Variants in GRIK1 observed in about 807,000 individuals in gnomAD.
GRIK1 encodes the protein glutamate receptor ionotropic, kainate 1.
A neutral mutation model predicts 105.7 loss-of-function variants in GRIK1; 69 were observed. The ratio of observed to expected loss-of-function variants is 0.65; its 90% CI spans 0.54 to 0.80. The LOEUF (loss-of-function observed/expected upper bound fraction) is 0.80, where lower values mean the gene tolerates loss of function less well. GRIK1 is among the 30% of genes least tolerant of loss of function. The probability of loss-of-function intolerance (pLI) is 0.00; values close to 1 mark genes in which losing one functional copy is unlikely to be tolerated. For missense variants in GRIK1, 1,109 were observed against 1,167.3 expected (o/e 0.95, Z 0.73); for synonymous variants, 438 against 431.3 (o/e 1.02, Z -0.19).
chr21:29,687,284 T>C (rs1382305116), intron 3 of GRIK1, among the ~76,000 whole-genome samples: 1 of 152,138 alleles, frequency 6.6e-6, no homozygotes, highest in African/African-American at 2.4e-5. Context: ...TTAATTCTGG[T>C]GTAGGGGCGG....
chr21:29,707,886 C>G lies in GRIK1; in HGVS notation c.119-13823G>C, dbSNP rs113405070. On this transcript the variant is annotated intron_variant, in intron 1 of 17. Coordinates refer to ENST00000327783, the MANE Select transcript of GRIK1 (RefSeq NM_001330994.2). The stretch of plus-strand genomic sequence containing the variant: ...AATATTTCATTGTCTGGATATGTCA[C>G]AGTTTTCTTAATCCACCCCACTTTT... Among the ~76,000 whole-genome samples the G allele has an allele frequency of 7.3e-3, 1,106 of 152,292 alleles. 16 individuals carry two copies. The highest frequency in any genetic ancestry group is 0.026 in the African/African-American group (1,061 of 41,562).
At chr21:29,670,561 G>T (rs1057128623) in intron 4 of GRIK1, among the ~76,000 whole-genome samples, 1 of 152,188 alleles carries the variant, frequency 6.6e-6, no homozygotes, top group African/African-American at 2.4e-5. Flanking sequence ...GCCTATTCCA[G>T]ACCTGCCTTT....
chr21:29,543,732 T>C (rs2090007462), intron 16 of GRIK1, among the ~76,000 whole-genome samples: 1 of 152,142 alleles, frequency 6.6e-6, no homozygotes, highest in Non-Finnish European at 1.5e-5. Context: ...GTAAAGAATG[T>C]TGGGGTGAAG....
chr21:29,825,671 A>G (rs2067433480), intron 1 of GRIK1, among the ~76,000 whole-genome samples: 1 of 152,142 alleles, frequency 6.6e-6, no homozygotes, highest in Non-Finnish European at 1.5e-5. Flanking sequence ...AAAGAAAAAT[A>G]TGAAAGCTGT....
At chr21:29,734,176 C>T (rs2064709661) in intron 1 of GRIK1, among the ~76,000 whole-genome samples, 1 of 151,892 alleles carries the variant, frequency 6.6e-6, no homozygotes, top group African/African-American at 2.4e-5. Context: ...TAAAAATGCC[C>T]CACTTCCAAG....
intron 16 of GRIK1, among the ~76,000 whole-genome samples, chr21:29,541,575 C>CTTTTTTTTATTTTT: frequency 1.0e-5 from 1 of 96,006 alleles, no homozygotes; most frequent in Non-Finnish European, 2.0e-5. Flanking sequence ...CACTCACGGT[C>CTTTTTTTTATTTTT]TTTTTTTTTT....
intron 9 of GRIK1, among the ~76,000 whole-genome samples, chr21:29,592,564 A>G (rs983723470): frequency 4.6e-5 from 7 of 152,324 alleles, no homozygotes; most frequent in Admixed American, 1.3e-4. Flanking sequence ...GCTTGCAAGT[A>G]TGTTTTAGAG....
intron 1 of GRIK1, among the ~76,000 whole-genome samples, chr21:29,724,523 G>A (rs1406061741): frequency 3.9e-5 from 6 of 152,170 alleles, no homozygotes; most frequent in Non-Finnish European, 7.3e-5. Flanking sequence ...AAATATGCAA[G>A]AACTGGGAGT....
intron 1 of GRIK1, among the ~76,000 whole-genome samples, chr21:29,897,040 A>C (rs1308067121): frequency 6.6e-6 from 1 of 152,200 alleles, no homozygotes; most frequent in Non-Finnish European, 1.5e-5. Flanking sequence ...AATGAATGAG[A>C]AGCGGATTTA....
chr21:29,734,345 ACTTTTCTTTTCTTTTCTTTTCTTTT>A (rs541782706), intron 1 of GRIK1, among the ~76,000 whole-genome samples: 2,449 of 135,224 alleles, frequency 0.018, 92 homozygotes, highest in East Asian at 0.046. Flanking sequence ...GGATCATAGC[ACTTTTCTTTTCTTTTCTTTTCTTTT>A]CTTTTCTTTT....
At chr21:29,757,059 G>A (rs1215285120) in intron 1 of GRIK1, among the ~76,000 whole-genome samples, 1 of 152,110 alleles carries the variant, frequency 6.6e-6, no homozygotes, top group African/African-American at 2.4e-5. Flanking sequence ...AGAGGTTGCA[G>A]TGAGCCAAGA....
chr21:29,787,544 CATT>C (rs1427095264), intron 1 of GRIK1, among the ~76,000 whole-genome samples: 1 of 152,158 alleles, frequency 6.6e-6, no homozygotes, highest in Non-Finnish European at 1.5e-5. Flanking sequence ...ACAGCACAAT[CATT>C]ATTAGAAATG....
intron 16 of GRIK1, among the ~76,000 whole-genome samples, chr21:29,554,056 CT>C (rs1163720558): frequency 3.3e-5 from 5 of 152,092 alleles, no homozygotes; most frequent in Non-Finnish European, 7.4e-5. Flanking sequence ...GTTTTGGGCC[CT>C]TAAGGAGGGC....
intron 12 of GRIK1, among the ~76,000 whole-genome samples, chr21:29,586,582 G>A (rs2091135040): frequency 6.6e-6 from 1 of 152,288 alleles, no homozygotes; most frequent in Admixed American, 6.5e-5. Flanking sequence ...TTTTTACATG[G>A]TTTATCTAGG....
At chr21:29,783,277 G>A (rs917564249) in intron 1 of GRIK1, among the ~76,000 whole-genome samples, 1 of 151,084 alleles carries the variant, frequency 6.6e-6, no homozygotes, top group Non-Finnish European at 1.5e-5. Context: ...CCTCCATCAG[G>A]GCAAAAATAG....
At chr21:29,757,435 A>G (rs1000659199) in intron 1 of GRIK1, among the ~76,000 whole-genome samples, 2 of 152,244 alleles carry the variant, frequency 1.3e-5, no homozygotes, top group African/African-American at 4.8e-5. Context: ...TAAGTAAACT[A>G]CACTACTTCT....
At position 29,621,406 on chromosome 21, in the gene GRIK1, GT is replaced by G. The variant is rs1391412413; in HGVS notation, c.1098+21419del. On this transcript the variant is annotated intron_variant, in intron 7 of 17. Transcript: ENST00000327783. ...TTGGGCCTGAGGGGTGTGTGTGTGT[GT>G]GTGTGGGGAAGACGATCTAAAACCT... Among the ~76,000 whole-genome samples, 4 of 151,996 alleles carry G rather than the reference GT, an allele frequency of 2.6e-5. 1 individual carries two copies. In the East Asian group the frequency reaches 5.8e-4, roughly 22 times the overall value.
intron 1 of GRIK1, among the ~76,000 whole-genome samples, chr21:29,931,460 T>C (rs779575753): frequency 1.3e-5 from 2 of 152,190 alleles, no homozygotes; most frequent in Non-Finnish European, 1.5e-5. Flanking sequence ...TCACCTGTTA[T>C]CAAGCGTGAA....
chr21:29,836,232 C>T (rs191150448), intron 1 of GRIK1, among the ~76,000 whole-genome samples: 1 of 152,144 alleles, frequency 6.6e-6, no homozygotes, highest in East Asian at 1.9e-4. Context: ...TTATTTCTTT[C>T]TGTTTTAATA....
Sources: gnomAD v4.1 joint callset for allele counts (sites outside exome capture counted in the v4.1 genomes callset) on GRCh38, gnomAD v4.1.1 for gene constraint, MANE v1.5 for transcripts, NCBI Gene and HGNC (gene_info 2026-07-23, HGNC 2026-07-21) for gene names.